The following DIAPH3 variants were observed in gnomAD, a reference collection of about 807,000 sequenced individuals.
DIAPH3 encodes the protein protein diaphanous homolog 3.
Under a neutral mutation model 144.3 loss-of-function variants are expected in DIAPH3, and 117 were observed. The ratio of observed to expected loss-of-function variants is 0.81; its 90% CI spans 0.70 to 0.95. The LOEUF (loss-of-function observed/expected upper bound fraction) is 0.95, where lower values mean the gene tolerates loss of function less well. DIAPH3 is among the 40% of genes least tolerant of loss of function. The pLI, the probability that DIAPH3 is intolerant of heterozygous loss-of-function variation, is 0.00. For synonymous variants in DIAPH3, 519 were observed against 488.9 expected (o/e 1.06, Z -0.81); for missense variants, 1,421 against 1,412.7 (o/e 1.01, Z -0.09).
intron 17 of DIAPH3, among the ~76,000 whole-genome samples, chr13:59,952,224 G>A (rs1480369538): frequency 6.6e-6 from 1 of 152,110 alleles, no homozygotes; most frequent in African/African-American, 2.4e-5. Flanking sequence ...AAACAGATTG[G>A]TGATTGCCAG....
chr13:59,722,864 T>C (rs1238287575), intron 27 of DIAPH3, among the ~76,000 whole-genome samples: 1 of 152,150 alleles, frequency 6.6e-6, no homozygotes, highest in Non-Finnish European at 1.5e-5. Flanking sequence ...CAAAGCTTGA[T>C]CTAAATTGTT....
chr13:60,093,755 C>G, intron 3 of DIAPH3, 23 bp from the exon 4 acceptor site: 3 of 1,487,306 alleles, frequency 2.0e-6, no homozygotes, highest in Non-Finnish European at 2.8e-6. Flanking sequence ...ATTAAAATGC[C>G]TCATTTTAGA....
chr13:59,892,127 CA>C (rs2045839591), intron 20 of DIAPH3, among the ~76,000 whole-genome samples: 1 of 151,716 alleles, frequency 6.6e-6, no homozygotes, highest in African/African-American at 2.4e-5. Flanking sequence ...ACAAACAAAT[CA>C]GATCATTTTA....
At chr13:59,774,912 T>C (rs1245544114) in intron 25 of DIAPH3, 89 bp from the exon 26 acceptor site, 11 of 1,095,536 alleles carry the variant, frequency 1.0e-5, no homozygotes, top group Non-Finnish European at 1.4e-5. Flanking sequence ...ATGGTGATGG[T>C]AGGGAGAAAA....
chr13:60,090,083 G>T (rs979186123), intron 4 of DIAPH3, among the ~76,000 whole-genome samples: 4 of 152,128 alleles, frequency 2.6e-5, no homozygotes, highest in African/African-American at 9.7e-5. Flanking sequence ...ACATCCAATG[G>T]CGGAACAAAG....
At chr13:59,906,166 G>A (rs913807436) in intron 20 of DIAPH3, among the ~76,000 whole-genome samples, 3 of 152,070 alleles carry the variant, frequency 2.0e-5, no homozygotes, top group East Asian at 1.9e-4. Context: ...CCTGAGGCAC[G>A]GAGAGAAACT....
At chr13:59,853,298 A>T (rs1242559038) in intron 22 of DIAPH3, among the ~76,000 whole-genome samples, 3 of 152,118 alleles carry the variant, frequency 2.0e-5, no homozygotes, top group South Asian at 4.2e-4. Flanking sequence ...GCCTATCAAT[A>T]AAAAAATTCC....
At chr13:59,700,782 T>C (rs759847358) in intron 27 of DIAPH3, among the ~76,000 whole-genome samples, 10 of 152,334 alleles carry the variant, frequency 6.6e-5, no homozygotes, top group Non-Finnish European at 7.4e-5. Context: ...GGTAAGTCTT[T>C]ATGCTGAATA....
At position 60,003,572 on chromosome 13, in the gene DIAPH3, G is replaced by GAT. The variant is rs1470873151; in HGVS notation, c.1014+4970_1014+4971dup. ...ATATATAGATAGATAGATAGATATA[G>GAT]ATATATATATATTTTTTATGAGATG... On this transcript the variant is annotated intron_variant, in intron 9 of 27. Transcript: ENST00000400324. Among the ~76,000 whole-genome samples the GAT allele has an allele frequency of 3.3e-5, 5 of 149,824 alleles. 1 individual carries two copies. Among genetic ancestry groups the GAT allele is most frequent in the South Asian group, 4.2e-4 (2 of 4,754 alleles).
At chr13:60,105,099 CAA>C (rs60853102) in intron 3 of DIAPH3, among the ~76,000 whole-genome samples, 8 of 41,820 alleles carry the variant, frequency 1.9e-4, no homozygotes, top group South Asian at 1.7e-3. Context: ...GACACGATCT[CAA>C]AAAAAAAAAA....
chr13:59,880,978 CAAAAAAAAAAAA>C (rs77481523), intron 20 of DIAPH3, among the ~76,000 whole-genome samples: 1 of 64,822 alleles, frequency 1.5e-5, no homozygotes, highest in Non-Finnish European at 3.1e-5. Context: ...CAACAAGGAC[CAAAAAAAAAAAA>C]AAAAAAAGAA....
intron 2 of DIAPH3, among the ~76,000 whole-genome samples, chr13:60,127,873 G>A (rs552105614): frequency 4.2e-4 from 64 of 152,112 alleles, no homozygotes; most frequent in African/African-American, 1.4e-3. Context: ...TATAATGCAC[G>A]TAAATTATAT....
intron 18 of DIAPH3, among the ~76,000 whole-genome samples, chr13:59,917,777 C>T (rs956882971): frequency 4.7e-5 from 7 of 149,862 alleles, no homozygotes; most frequent in Non-Finnish European, 1.5e-5. Context: ...GTAGTCCCAG[C>T]TACTCGGGAG....
At chr13:59,851,065 C>T (rs529592257) in intron 22 of DIAPH3, among the ~76,000 whole-genome samples, 1 of 150,594 alleles carries the variant, frequency 6.6e-6, no homozygotes, top group African/African-American at 2.4e-5. Flanking sequence ...CGGGCAGAGA[C>T]ACAACCAAAA....
intron 2 of DIAPH3, among the ~76,000 whole-genome samples, chr13:60,125,317 G>A (rs1338420886): frequency 6.6e-6 from 1 of 150,726 alleles, no homozygotes; most frequent in Non-Finnish European, 1.5e-5. Flanking sequence ...GGGTTCAAGT[G>A]ATTCTCCTGC....
intron 9 of DIAPH3, among the ~76,000 whole-genome samples, chr13:59,993,702 T>TAAAAAAAAAAAAAAAAAAAAAAAAA (rs3078724): frequency 3.1e-4 from 23 of 73,850 alleles, no homozygotes; most frequent in African/African-American, 1.3e-3. Flanking sequence ...GAAACATACT[T>TAAAAAAAAAAAAAAAAAAAAAAAAA]AAAAAAAAAA....
intron 14 of DIAPH3, among the ~76,000 whole-genome samples, chr13:59,979,033 A>C (rs1344113061): frequency 6.6e-6 from 1 of 151,712 alleles, no homozygotes; most frequent in East Asian, 1.9e-4. Context: ...GTGTCCTTAT[A>C]AAACTATCAG....
At chr13:60,112,215 G>A in intron 2 of DIAPH3, 29 bp from the exon 3 acceptor site, 1 of 1,612,252 alleles carries the variant, frequency 6.2e-7, no homozygotes, top group Non-Finnish European at 8.5e-7. Context: ...TGACACACGT[G>A]TAAGTATTTC....
At chr13:59,758,255 A>G (rs2037389233) in intron 27 of DIAPH3, among the ~76,000 whole-genome samples, 2 of 152,222 alleles carry the variant, frequency 1.3e-5, no homozygotes, top group African/African-American at 4.8e-5. Context: ...TAATAAAAAC[A>G]TTCTTAGCCA....
Sources: allele counts gnomAD v4.1 joint callset (sites outside exome capture counted in the v4.1 genomes callset), GRCh38; gene constraint gnomAD v4.1.1; transcripts MANE v1.5; gene names NCBI Gene and HGNC (gene_info 2026-07-23, HGNC 2026-07-21).